The following NRG3 variants were observed in gnomAD, a reference collection of about 807,000 sequenced individuals.
NRG3 encodes the protein pro-neuregulin-3, membrane-bound isoform.
NRG3 carries 31 observed loss-of-function variants against 66.9 expected under a neutral mutation model. That is an observed-to-expected ratio of 0.46 (90% CI 0.35 to 0.63). The LOEUF (loss-of-function observed/expected upper bound fraction) is 0.63. Among genes scored for constraint, NRG3 ranks in the 20% least tolerant of loss-of-function variants. The pLI is 0.00. For synonymous variants in NRG3, 393 were observed against 359.4 expected, an observed-to-expected ratio of 1.09 and a Z score of -1.06; for missense variants, 910 against 878.9, an observed-to-expected ratio of 1.04 and a Z score of -0.45.
At chr10:82,300,057 A>G (rs1301922012) in intron 1 of NRG3, among the ~76,000 whole-genome samples, 1 of 152,174 alleles carries the variant, frequency 6.6e-6, no homozygotes, top group Admixed American at 6.5e-5. Flanking sequence ...GTGTTTGTGT[A>G]TATACACACA....
intron 1 of NRG3, among the ~76,000 whole-genome samples, chr10:82,294,674 A>G (rs1393608535): frequency 6.6e-6 from 1 of 152,142 alleles, no homozygotes; most frequent in African/African-American, 2.4e-5. Context: ...GCTTCACCAC[A>G]TGATTTTCTC....
At chr10:82,458,700 A>G (rs1437416154) in intron 2 of NRG3, among the ~76,000 whole-genome samples, 1 of 152,196 alleles carries the variant, frequency 6.6e-6, no homozygotes, top group Non-Finnish European at 1.5e-5. Flanking sequence ...GATATTTCTA[A>G]ATTCCAAAGC....
chr10:82,491,750 A>G (rs1334091893), intron 2 of NRG3, among the ~76,000 whole-genome samples: 1 of 152,016 alleles, frequency 6.6e-6, no homozygotes, highest in Non-Finnish European at 1.5e-5. Context: ...TCAGTGATCA[A>G]CTCCAGGCAA....
chr10:82,920,076 T>C (rs975857194), intron 4 of NRG3, among the ~76,000 whole-genome samples: 7 of 152,108 alleles, frequency 4.6e-5, no homozygotes, highest in African/African-American at 1.4e-4. Flanking sequence ...CATGTAAAAG[T>C]TGGACAAACT....
At chr10:82,111,910 C>G (rs1327615449) in intron 1 of NRG3, among the ~76,000 whole-genome samples, 1 of 152,060 alleles carries the variant, frequency 6.6e-6, no homozygotes, top group African/African-American at 2.4e-5. Context: ...TTCTACTAAT[C>G]CAATAATATG....
chr10:82,468,317 T>C (rs1395232433), intron 2 of NRG3, among the ~76,000 whole-genome samples: 2 of 152,106 alleles, frequency 1.3e-5, no homozygotes, highest in African/African-American at 2.4e-5. Flanking sequence ...TTAATAACTA[T>C]GAACTGTGAT....
chr10:82,913,485 C>G (rs1026953787), intron 4 of NRG3, among the ~76,000 whole-genome samples: 2 of 152,044 alleles, frequency 1.3e-5, no homozygotes. Context: ...GGTATGTGTA[C>G]TGGTGACAAA....
At chr10:82,377,356 A>T (rs1589904413) in intron 2 of NRG3, among the ~76,000 whole-genome samples, 1 of 152,162 alleles carries the variant, frequency 6.6e-6, no homozygotes, top group Non-Finnish European at 1.5e-5. Context: ...AATATGAGAC[A>T]TACATGCATC....
At chr10:82,768,884 A>G (rs2059613570) in intron 3 of NRG3, among the ~76,000 whole-genome samples, 1 of 152,094 alleles carries the variant, frequency 6.6e-6, no homozygotes, top group Admixed American at 6.6e-5. Flanking sequence ...TTTGTTCCCA[A>G]ATTTAAACTC....
chr10:82,925,641 T>C (rs1846908549), intron 4 of NRG3, among the ~76,000 whole-genome samples: 1 of 152,156 alleles, frequency 6.6e-6, no homozygotes, highest in African/African-American at 2.4e-5. Flanking sequence ...TTGCCAAGGG[T>C]TATTATTTTT....
At chr10:82,034,817 G>A (rs2062725615) in intron 1 of NRG3, among the ~76,000 whole-genome samples, 2 of 152,008 alleles carry the variant, frequency 1.3e-5, no homozygotes, top group African/African-American at 2.4e-5. Context: ...CTCAGTGAGA[G>A]CAGAGGCTCT....
Position 81,881,164 on chromosome 10 carries a change from C to G in NRG3, c.823+5001C>G, listed in dbSNP as rs531707925. 6.6e-5 allele frequency among the ~76,000 whole-genome samples: 10 copies of G among 151,686 alleles called. No homozygotes were observed. The South Asian group carries it at 2.1e-3, about 32-fold the overall frequency. On this transcript the variant is annotated intron_variant, in intron 1 of 8. Transcript: ENST00000372141. ...CATGGCTCTGACTGAAGGCTCCTTT[C>G]AGGCTTTTGTGTTTTTTTTGTGTTT...
At chr10:82,015,699 G>A (rs991263395) in intron 1 of NRG3, among the ~76,000 whole-genome samples, 10 of 151,774 alleles carry the variant, frequency 6.6e-5, no homozygotes, top group Admixed American at 6.6e-5. Flanking sequence ...ATAAATTACC[G>A]CATCTCGGGC....
intron 1 of NRG3, among the ~76,000 whole-genome samples, chr10:82,192,227 C>T (rs1564648645): frequency 6.6e-6 from 1 of 152,170 alleles, no homozygotes; most frequent in African/African-American, 2.4e-5. Context: ...TTGCAATTAT[C>T]ACCATTATGC....
chr10:82,655,919 A>T (rs2051812104), intron 2 of NRG3, among the ~76,000 whole-genome samples: 1 of 152,230 alleles, frequency 6.6e-6, no homozygotes, highest in South Asian at 2.1e-4. Context: ...ATTCATTTTA[A>T]TAAACACACA....
intron 1 of NRG3, among the ~76,000 whole-genome samples, chr10:82,346,233 C>T (rs1481983791): frequency 3.7e-4 from 56 of 150,166 alleles, no homozygotes; most frequent in Non-Finnish European, 7.2e-4. Context: ...TTTTGAAATA[C>T]GTCCCATCAA....
At chr10:82,976,304 C>T (rs1430031255) in intron 7 of NRG3, among the ~76,000 whole-genome samples, 2 of 152,182 alleles carry the variant, frequency 1.3e-5, no homozygotes, top group African/African-American at 4.8e-5. Flanking sequence ...GATCCGCCCG[C>T]CTCAGCCTCC....
At chr10:81,891,161 A>C (rs975796459) in intron 1 of NRG3, among the ~76,000 whole-genome samples, 5 of 152,192 alleles carry the variant, frequency 3.3e-5, no homozygotes. Flanking sequence ...TCCAAAATAG[A>C]GATGCTTTCA....
chr10:82,025,207 ACTT>A (rs1312293877), intron 1 of NRG3, among the ~76,000 whole-genome samples: 1 of 150,932 alleles, frequency 6.6e-6, no homozygotes, highest in African/African-American at 2.4e-5. Context: ...AATGTGGAAT[ACTT>A]CATATATTTC....
Sources: gnomAD v4.1 joint callset for allele counts (sites outside exome capture counted in the v4.1 genomes callset) on GRCh38, gnomAD v4.1.1 for gene constraint, MANE v1.5 for transcripts, NCBI Gene and HGNC (gene_info 2026-07-23, HGNC 2026-07-21) for gene names.